HBP1: variants seen among roughly 807,000 people sequenced by gnomAD.
HBP1 encodes HMG box-containing protein 1.
In HBP1, 20 loss-of-function variants were observed where a neutral mutation model predicts 62.6. The observed-to-expected ratio is 0.32, with a 90% CI of 0.22 to 0.46. The LOEUF (loss-of-function observed/expected upper bound fraction) is 0.46. Among genes scored for constraint, HBP1 ranks in the 20% least tolerant of loss-of-function variants. The pLI is 1.00. For synonymous variants in HBP1, 232 were observed against 206.2 expected, an observed-to-expected ratio of 1.12 and a Z score of -1.07; for missense variants, 480 against 611.8, an observed-to-expected ratio of 0.78 and a Z score of 2.27.
intron 1 of HBP1, among the ~76,000 whole-genome samples, chr7:107,169,387 G>C (rs932235673): frequency 1.3e-5 from 2 of 150,688 alleles, no homozygotes; most frequent in African/African-American, 4.9e-5. Context: ...CCTGGGCTTC[G>C]GGGCGGCGGC....
intron 8 of HBP1, 51 bp from the exon 9 acceptor site, chr7:107,195,783 C>CA: frequency 2.5e-6 from 2 of 796,134 alleles, no homozygotes; most frequent in Non-Finnish European, 3.5e-6. Context: ...TTTTAGAAAT[C>CA]AGAGAATTCA....
In HBP1 at chr7:107,201,578, A is replaced by T. The variant is rs1056277387; in HGVS notation, c.*147A>T. 2 of 467,710 alleles carry T rather than the reference A, an allele frequency of 4.3e-6. No individual in the cohort carries two copies. The highest frequency in any genetic ancestry group is 4.0e-5 in the African/African-American group (2 of 49,846). The allele number at this position is 467,710 out of a possible 1,614,324, so 29.0% of individuals were successfully genotyped here. A position where few individuals can be genotyped will look rare whatever the true frequency, so the allele number is the denominator to read the frequency against. On this transcript the variant is annotated 3_prime_UTR_variant, in exon 11 of 11. Coordinates refer to ENST00000222574, the MANE Select transcript of HBP1 (RefSeq NM_012257.4). ...CATTGAGTCTTGAAATGATTTAATA[A>T]TATGAGTGAGGATTTGCTTTCTCCA...
chr7:107,185,991 G>A (rs1440461324), intron 4 of HBP1, 49 bp downstream of exon 4: 2 of 1,418,860 alleles, frequency 1.4e-6, no homozygotes, highest in South Asian at 2.3e-5. Context: ...TACAACAGTT[G>A]AAGTACATTA....
At chr7:107,180,594 T>A (rs909530896) in intron 2 of HBP1, among the ~76,000 whole-genome samples, 8 of 152,248 alleles carry the variant, frequency 5.3e-5, no homozygotes, top group African/African-American at 1.9e-4. Flanking sequence ...ATGAGTCACC[T>A]TGGCTTGCTG....
In HBP1 at chr7:107,189,461, T is replaced by C; in HGVS notation, c.922+13T>C. 2 of 1,588,020 alleles carry C rather than the reference T, an allele frequency of 1.3e-6. No homozygotes were observed. The highest frequency in any genetic ancestry group is 1.7e-6 in the Non-Finnish European group (2 of 1,165,018). ...GTTAAAAATAAAGGTAGGGCTTGAA[T>C]TGCATTTGTAGTAACTTTTTTTAAA... On this transcript the variant is annotated intron_variant, in intron 7 of 10. Transcript: ENST00000222574.
At chr7:107,173,305 G>A (rs1247562938) in intron 1 of HBP1, among the ~76,000 whole-genome samples, 1 of 152,194 alleles carries the variant, frequency 6.6e-6, no homozygotes, top group Non-Finnish European at 1.5e-5. Context: ...ACTGGTTATG[G>A]AAATCCTTCA....
chr7:107,174,539 G>A, intron 1 of HBP1: 6 of 985,262 alleles, frequency 6.1e-6, no homozygotes, highest in Non-Finnish European at 7.2e-6. Flanking sequence ...CTTGGTGAAT[G>A]TTGGAAACTG....
In HBP1 at chr7:107,195,982, T is replaced by C. The variant is rs1015317916; in HGVS notation, c.1216T>C (p.Ser406Pro). ...TAAAAACTGTGGCTCACCTGGATCA[T>C]CACAGCTCTCTTCCAATTCTTTGTA... The part of the protein sequence containing the change: ...FSKNCGSPGS[S>P]QLSSNSLYAK... The change falls in exon 9 of 11, where the codon TCA becomes CCA. Residue 406 changes from serine to proline, a missense_variant. Around this residue, in one of 4 missense-constraint regions of HBP1, gnomAD observed 66 missense variants for 56.4 expected, o/e 1.17. Transcript: ENST00000222574. The C allele has an allele frequency of 1.2e-6, 2 of 1,613,964 alleles. No homozygotes were observed. The highest frequency in any genetic ancestry group is 1.1e-5 in the South Asian group (1 of 91,086).
chr7:107,172,681 G>A (rs1796655593), intron 1 of HBP1, among the ~76,000 whole-genome samples: 2 of 152,180 alleles, frequency 1.3e-5, no homozygotes, highest in South Asian at 4.1e-4. Context: ...ATTGGGCAGT[G>A]TCTGTGGGAT....
intron 1 of HBP1, 80 bp downstream of exon 1, chr7:107,169,265 G>A (rs1796428956): frequency 2.6e-6 from 2 of 771,744 alleles, no homozygotes; most frequent in Non-Finnish European, 3.4e-6. Context: ...CAGACTGGAG[G>A]GCTCGGGTCC....
At chr7:107,183,962 T>C (rs187232372) in intron 3 of HBP1, among the ~76,000 whole-genome samples, 1 of 152,354 alleles carries the variant, frequency 6.6e-6, no homozygotes, top group Admixed American at 6.5e-5. Context: ...AAAATTTATA[T>C]TACCCCTGAA....
chr7:107,179,968 C>A lies in HBP1; in HGVS notation c.75C>A (p.Ala25=), dbSNP rs765567436. The change falls in exon 2 of 11, where the codon GCC becomes GCA. Residue 25 remains alanine (A), a synonymous_variant. Transcript: ENST00000222574. ...TCCTGTTGGTGATGGACAAGAGAGC[C>A]TCAGGAATGAATGACTCATTGGAGT... ...QKLLLVMDKR[A]SGMNDSLELL... is the part of the protein sequence containing the mutation. The A allele has an allele frequency of 5.0e-6, 8 of 1,611,380 alleles. No individual in the cohort carries two copies. In the South Asian group the frequency reaches 8.8e-5, roughly 18 times the overall value.
At chr7:107,179,814 T>C (rs951870249) in intron 1 of HBP1, 65 bp from the exon 2 acceptor site, 5 of 984,644 alleles carry the variant, frequency 5.1e-6, no homozygotes, top group Non-Finnish European at 7.6e-6. Context: ...TGATTTATTT[T>C]AGGTTTGTGT....
intron 4 of HBP1, among the ~76,000 whole-genome samples, chr7:107,186,156 C>CTTTTTTTTTCTTTTTTTTT (rs1180829396): frequency 1.6e-5 from 2 of 127,272 alleles, no homozygotes; most frequent in Non-Finnish European, 3.3e-5. Flanking sequence ...TCTTTTTTTT[C>CTTTTTTTTTCTTTTTTTTT]TTTTTTTTTC....
Position 107,171,069 on chromosome 7 carries a change from A to ATTT in HBP1, c.-16+1885_-16+1886insTTT, listed in dbSNP as rs1292839546. Among the ~76,000 whole-genome samples the ATTT allele has an allele frequency of 6.4e-3, 464 of 72,366 alleles. 72 individuals carry two copies. The highest frequency in any genetic ancestry group is 0.047 in the African/African-American group (440 of 9,406). The allele number at this position is 72,366 out of a possible 152,430, so 47.5% of individuals were successfully genotyped here. A position where few individuals can be genotyped will look rare whatever the true frequency, so the allele number is the denominator to read the frequency against. On this transcript the variant is annotated intron_variant, in intron 1 of 10. Transcript: ENST00000222574. ...TAAATATATATATATATATATATAT[A>ATTT]TATATTTTTTTTTTTTTTTGAGAGG...
chr7:107,194,351 C>T (rs1797786312), intron 8 of HBP1, among the ~76,000 whole-genome samples: 1 of 152,062 alleles, frequency 6.6e-6, no homozygotes, highest in Non-Finnish European at 1.5e-5. Context: ...AATTTTGTGT[C>T]AGTGCTGAAG....
intron 2 of HBP1, among the ~76,000 whole-genome samples, chr7:107,181,176 G>A (rs953539199): frequency 6.6e-6 from 1 of 152,154 alleles, no homozygotes; most frequent in African/African-American, 2.4e-5. Context: ...CCGAGTCAGT[G>A]CTTCTAATTA....
chr7:107,185,539 G>A (rs1362618374), intron 3 of HBP1, among the ~76,000 whole-genome samples: 3 of 151,876 alleles, frequency 2.0e-5, no homozygotes, highest in Non-Finnish European at 4.4e-5. Context: ...AAAATGAATG[G>A]GATAAATAAA....
intron 1 of HBP1, chr7:107,169,686 C>G: frequency 1.0e-6 from 1 of 952,816 alleles, no homozygotes. Context: ...GAGGAGCTCG[C>G]GGAGCCGCTG....
Sources: allele counts gnomAD v4.1 joint callset (sites outside exome capture counted in the v4.1 genomes callset), GRCh38; gene constraint gnomAD v4.1.1; regional missense constraint gnomAD v4.1.1; transcripts MANE v1.5; gene names NCBI Gene and HGNC (gene_info 2026-07-23, HGNC 2026-07-21).